The following ERICH1 variants were observed in gnomAD, a reference collection of about 807,000 sequenced individuals.
ERICH1 encodes glutamate-rich protein 1.
Under a neutral mutation model 39.6 loss-of-function variants are expected in ERICH1, and 56 were observed. That is an observed-to-expected ratio of 1.41 (90% CI 1.14 to 1.77). The LOEUF is 1.77. Among genes scored for constraint, ERICH1 ranks in the 40% most tolerant of loss-of-function variants. The pLI is 0.00. For synonymous variants in ERICH1, 313 were observed against 223.6 expected (o/e 1.40, Z -3.57); for missense variants, 826 against 575.4 (o/e 1.44, Z -4.45).
chr8:660,594 G>C (rs1030981331), downstream of ERICH1, among the ~76,000 whole-genome samples: 2 of 152,248 alleles, frequency 1.3e-5, no homozygotes, highest in African/African-American at 4.8e-5. Flanking sequence ...ACTGCGAGGC[G>C]GCAAATGGTG....
At chr8:705,209 G>A (rs919659753) in intron 2 of ERICH1, among the ~76,000 whole-genome samples, 3 of 152,200 alleles carry the variant, frequency 2.0e-5, no homozygotes, top group African/African-American at 4.8e-5. Flanking sequence ...GTCCAAGGAC[G>A]GATGTGGGCA....
chr8:707,848 G>C (rs893479015), intron 2 of ERICH1, among the ~76,000 whole-genome samples: 2 of 152,150 alleles, frequency 1.3e-5, no homozygotes, highest in African/African-American at 4.8e-5. Context: ...CATTAAGAAA[G>C]TGAAAAGATA....
intron 2 of ERICH1, among the ~76,000 whole-genome samples, chr8:711,118 A>T (rs886186824): frequency 5.3e-4 from 81 of 152,220 alleles, no homozygotes; most frequent in African/African-American, 1.9e-3. Context: ...GATGTGAAAC[A>T]TCTTTACATA....
intron 3 of ERICH1, among the ~76,000 whole-genome samples, chr8:692,242 C>A (rs1809063105): frequency 6.6e-6 from 1 of 152,110 alleles, no homozygotes; most frequent in African/African-American, 2.4e-5. Context: ...AGTCATATTC[C>A]CACTTTCAAT....
intron 3 of ERICH1, chr8:640,577 G>A (rs1052384855): frequency 2.0e-5 from 3 of 152,174 alleles, no homozygotes; most frequent in African/African-American, 7.2e-5. Context: ...GTGATATGAG[G>A]CTAACCTCAA....
At chr8:657,563 T>A (rs1800813612) in intron 3 of ERICH1, among the ~76,000 whole-genome samples, 1 of 150,458 alleles carries the variant, frequency 6.6e-6, no homozygotes, top group Non-Finnish European at 1.5e-5. Context: ...CAGTCCAGAC[T>A]GGCGCCATTG....
Position 686,458 on chromosome 8 carries a change from A to T in ERICH1, c.304+6020T>A, listed in dbSNP as rs536615655. Among the ~76,000 whole-genome samples, 434 of 65,264 alleles carry T rather than the reference A, an allele frequency of 6.6e-3. 1 individual carries two copies. Among genetic ancestry groups the T allele is most frequent in the Middle Eastern group, 0.019 (3 of 158 alleles). 42.8% of individuals were successfully genotyped at this position (65,264 alleles called of 152,430 possible). A position where few individuals can be genotyped will look rare whatever the true frequency, so the allele number is the denominator to read the frequency against. On this transcript the variant is annotated intron_variant, in intron 3 of 5. Transcript: ENST00000262109. ...TCTTCCTAGGCAAGCTAAAAAAAAA[A>T]AAAAAAACAAAAACAAAAACCATGT...
chr8:697,722 C>T (rs956701543), intron 2 of ERICH1, among the ~76,000 whole-genome samples: 25 of 151,922 alleles, frequency 1.6e-4, no homozygotes, highest in South Asian at 6.2e-4. Context: ...CCCACACAGG[C>T]GCCCCTCTCA....
chr8:685,849 T>C (rs111551465), intron 3 of ERICH1, among the ~76,000 whole-genome samples: 1 of 152,094 alleles, frequency 6.6e-6, no homozygotes, highest in Admixed American at 6.5e-5. Context: ...TCATGTATTA[T>C]TTTTTCAATA....
chr8:719,959 C>A (rs1322013868), intron 1 of ERICH1, among the ~76,000 whole-genome samples: 2 of 152,092 alleles, frequency 1.3e-5, no homozygotes, highest in African/African-American at 2.4e-5. Context: ...CACACAAGGC[C>A]CTACAAGGTA....
intron 3 of ERICH1, among the ~76,000 whole-genome samples, chr8:623,940 T>C (rs923214725): frequency 6.6e-6 from 1 of 152,290 alleles, no homozygotes; most frequent in South Asian, 2.1e-4. Flanking sequence ...TTGCAAATGA[T>C]ACCACTAATA....
chr8:711,661 C>A (rs759299785), intron 2 of ERICH1, among the ~76,000 whole-genome samples: 1 of 152,128 alleles, frequency 6.6e-6, no homozygotes, highest in Non-Finnish European at 1.5e-5. Flanking sequence ...CCATGCCCAG[C>A]TGATTTTTTG....
At position 616,930 on chromosome 8, in the gene ERICH1, C is replaced by T. The variant is rs200584211; in HGVS notation, c.977-1646G>A. On this transcript the variant is annotated intron_variant, in intron 3 of 3. Transcript: ENST00000522706. The stretch of plus-strand genomic sequence containing the variant: ...AGAGAGAGAGAGAGACAGAAAGAGA[C>T]AGAGAGAGAGAGGGAGAGGGAGACA... 4.6e-4 allele frequency among the ~76,000 whole-genome samples: 11 copies of T among 23,692 alleles called. 1 individual carries two copies. The highest frequency in any genetic ancestry group is 2.8e-3 in the African/African-American group (10 of 3,540). 15.5% of individuals were successfully genotyped at this position (23,692 alleles called of 152,430 possible).
intron 3 of ERICH1, among the ~76,000 whole-genome samples, chr8:687,062 G>A (rs957565974): frequency 6.6e-6 from 1 of 152,362 alleles, no homozygotes; most frequent in South Asian, 2.1e-4. Context: ...TCAAAACAGA[G>A]CATGTACGGA....
At chr8:657,857 G>C (rs1231313929) in intron 3 of ERICH1, among the ~76,000 whole-genome samples, 1 of 152,174 alleles carries the variant, frequency 6.6e-6, no homozygotes, top group Non-Finnish European at 1.5e-5. Context: ...CAGACGTAGT[G>C]AAAGGGCCAT....
chr8:649,415 G>A lies in ERICH1; in HGVS notation c.976+19183C>T, dbSNP rs1462811866. ...ACAGTGTGGTTAAACTGGCTTCTCGGCTAAGAGCGGGGCTTGCTTTTATTC... is the reference window on the plus strand; with the variant it reads ...ACAGTGTGGTTAAACTGGCTTCTCGACTAAGAGCGGGGCTTGCTTTTATTC... On this transcript the variant is annotated intron_variant, in intron 3 of 3. Coordinates refer to the ERICH1 transcript ENST00000522706. 1.3e-5 allele frequency among the ~76,000 whole-genome samples: 2 copies of A among 152,048 alleles called. 1 individual carries two copies.
chr8:642,103 T>C (rs1440727496), intron 3 of ERICH1, among the ~76,000 whole-genome samples: 1 of 152,188 alleles, frequency 6.6e-6, no homozygotes, highest in African/African-American at 2.4e-5. Context: ...GATTTCACTT[T>C]GGGTGAGCAC....
At chr8:662,648 CA>C (rs981798771), downstream of ERICH1, among the ~76,000 whole-genome samples, 1 of 151,934 alleles carries the variant, frequency 6.6e-6, no homozygotes, top group Non-Finnish European at 1.5e-5. Context: ...GACTCCATCT[CA>C]AAAAGAAAAT....
At chr8:712,667 G>A (rs1176238663) in intron 2 of ERICH1, among the ~76,000 whole-genome samples, 1 of 152,140 alleles carries the variant, frequency 6.6e-6, no homozygotes, top group Non-Finnish European at 1.5e-5. Flanking sequence ...TCAATCTCCT[G>A]ACCCTGTGAT....
Sources: gnomAD v4.1 joint callset for allele counts (sites outside exome capture counted in the v4.1 genomes callset) on GRCh38, gnomAD v4.1.1 for gene constraint, MANE v1.5 for transcripts, NCBI Gene and HGNC (gene_info 2026-07-23, HGNC 2026-07-21) for gene names.